The following MYRFL variants were observed in gnomAD, a reference collection of about 807,000 sequenced individuals.
MYRFL encodes myelin regulatory factor-like protein.
MYRFL carries 88 observed loss-of-function variants against 109.4 expected under a neutral mutation model. The observed-to-expected ratio is 0.80, with a 90% confidence interval of 0.68 to 0.96. The LOEUF (loss-of-function observed/expected upper bound fraction) is 0.96. MYRFL is among the 40% of genes least tolerant of loss of function. The pLI, the probability that MYRFL is intolerant of heterozygous loss-of-function variation, is 0.00. For synonymous variants in MYRFL, 324 were observed against 320.9 expected (o/e 1.01, Z -0.10); for missense variants, 957 against 954.9 (o/e 1.00, Z -0.03).
At chr12:69,930,588 G>A (rs1465491586) in intron 15 of MYRFL, among the ~76,000 whole-genome samples, 3 of 152,086 alleles carry the variant, frequency 2.0e-5, no homozygotes, top group Non-Finnish European at 4.4e-5. Context: ...GGAGGCCAGA[G>A]TGGGTGGATC....
intron 2 of MYRFL, among the ~76,000 whole-genome samples, chr12:69,866,044 A>G (rs1233138834): frequency 6.6e-6 from 1 of 152,168 alleles, no homozygotes; most frequent in Non-Finnish European, 1.5e-5. Flanking sequence ...AACTCTTCAT[A>G]GGTCAATACG....
chr12:69,855,618 T>C (rs1239397211), intron 2 of MYRFL, among the ~76,000 whole-genome samples: 3 of 152,214 alleles, frequency 2.0e-5, no homozygotes, highest in Non-Finnish European at 2.9e-5. Context: ...AGGTTATCTA[T>C]TGATAGTAAT....
At chr12:69,926,932 G>GTTTTTTTT (rs1336716063) in intron 14 of MYRFL, among the ~76,000 whole-genome samples, 198 bp downstream of exon 14, 785 of 76,848 alleles carry the variant, frequency 0.01, 290 homozygotes, top group Middle Eastern at 0.019. Flanking sequence ...TTCTGTTGCT[G>GTTTTTTTT]GTTTTTTTTT....
chr12:69,889,961 A>G lies in MYRFL; in HGVS notation c.708-1010A>G, dbSNP rs186001186. Among the ~76,000 whole-genome samples the G allele has an allele frequency of 1.0e-3, 152 of 152,328 alleles. 1 individual carries two copies. Among genetic ancestry groups the G allele is most frequent in the African/African-American group, 3.6e-3 (148 of 41,584 alleles). On this transcript the variant is annotated intron_variant, in intron 6 of 24. Coordinates refer to ENST00000552032, the MANE Select transcript of MYRFL (RefSeq NM_182530.3). ...CATTGCTATTAGAAATAGCAATGAT[A>G]AAACCAATAAAGCAAAAATTTGATT...
At chr12:69,892,849 T>C (rs965612909) in intron 7 of MYRFL, among the ~76,000 whole-genome samples, 2 of 152,182 alleles carry the variant, frequency 1.3e-5, no homozygotes, top group Non-Finnish European at 2.9e-5. Flanking sequence ...TGGTAGCCTA[T>C]TTTTTCTCTT....
chr12:69,834,652 A>T (rs929157574), intron 1 of MYRFL, among the ~76,000 whole-genome samples: 2 of 152,208 alleles, frequency 1.3e-5, no homozygotes, highest in African/African-American at 2.4e-5. Flanking sequence ...TTATTGTGAA[A>T]CAAGAACAAG....
intron 2 of MYRFL, among the ~76,000 whole-genome samples, chr12:69,877,980 C>A (rs536484489): frequency 6.6e-6 from 1 of 152,132 alleles, no homozygotes; most frequent in Non-Finnish European, 1.5e-5. Flanking sequence ...CCATGGCTCA[C>A]GCCTGTAATC....
At chr12:69,945,955 C>T (rs1413826094) in intron 19 of MYRFL, among the ~76,000 whole-genome samples, 1 of 116,120 alleles carries the variant, frequency 8.6e-6, no homozygotes, top group African/African-American at 3.2e-5. Context: ...CCACTGCCCT[C>T]CAGCCTGGGC....
chr12:69,863,331 G>T lies in MYRFL; in HGVS notation c.137+7961G>T, dbSNP rs558990041. Among the ~76,000 whole-genome samples, 10 of 152,254 alleles carry T rather than the reference G, an allele frequency of 6.6e-5. No individual in the cohort carries two copies. The East Asian group carries it at 1.5e-3, about 23-fold the overall frequency. ...AATAGTTTCAGAAGGAATGGTACCGGTTCCTCCTTGTACCTCTGGTAGAAT... is the reference window on the plus strand; with the variant it reads ...AATAGTTTCAGAAGGAATGGTACCGTTTCCTCCTTGTACCTCTGGTAGAAT... On this transcript the variant is annotated intron_variant, in intron 2 of 24. Transcript: ENST00000552032.
chr12:69,948,564 A>T (rs1175741987), intron 19 of MYRFL, among the ~76,000 whole-genome samples: 1 of 152,178 alleles, frequency 6.6e-6, no homozygotes, highest in Non-Finnish European at 1.5e-5. Context: ...TTTATGCCTC[A>T]TTTGCGTTGT....
chr12:69,952,178 A>G lies in MYRFL; in HGVS notation c.2287+3A>G. 1 of 1,535,912 alleles carries G rather than the reference A, an allele frequency of 6.5e-7. No homozygotes were observed. The highest frequency in any genetic ancestry group is 2.4e-5 in the East Asian group (1 of 40,936). On this transcript the variant is annotated splice_donor_region_variant and intron_variant, in intron 20 of 24. Coordinates refer to ENST00000552032, the MANE Select transcript of MYRFL (RefSeq NM_182530.3). Reference sequence around the variant, plus strand: ...CGGCCCTGACTGGGAGAGTGACTGTAAGTTGACATTTAAGTGACACTATTC... The same window carrying G: ...CGGCCCTGACTGGGAGAGTGACTGTGAGTTGACATTTAAGTGACACTATTC...
chr12:69,862,701 A>G (rs1482128508), intron 2 of MYRFL, among the ~76,000 whole-genome samples: 5 of 152,060 alleles, frequency 3.3e-5, no homozygotes, highest in African/African-American at 9.7e-5. Flanking sequence ...GCAAACAGGG[A>G]CAATCTGACT....
At chr12:69,827,523 C>T (rs748034284) in intron 1 of MYRFL, among the ~76,000 whole-genome samples, 13 of 151,996 alleles carry the variant, frequency 8.6e-5, no homozygotes, top group Middle Eastern at 3.4e-3. Flanking sequence ...CTCTAGAGAT[C>T]GCAACATCCT....
intron 19 of MYRFL, 131 bp from the exon 20 acceptor site, chr12:69,951,982 A>T (rs1232612643): frequency 1.4e-6 from 1 of 693,174 alleles, no homozygotes; most frequent in African/African-American, 1.8e-5. Context: ...TAGAGATTAG[A>T]TGAGTTGAAG....
Position 69,874,942 on chromosome 12 carries a change from T to G in MYRFL, c.138-4086T>G, listed in dbSNP as rs999487278. 9.2e-4 allele frequency among the ~76,000 whole-genome samples: 139 copies of G among 151,312 alleles called. 3 individuals are homozygous for G. The highest frequency in any genetic ancestry group is 2.0e-4 in the East Asian group (1 of 5,116). On this transcript the variant is annotated intron_variant, in intron 2 of 24. Transcript: ENST00000552032. ...GATGTATTTATTTTGCTGAGCTTCT[T>G]AAAGATATAAATGTATGTATCTTTA...
chr12:69,937,217 G>A (rs1261376061), intron 19 of MYRFL, among the ~76,000 whole-genome samples: 2 of 152,008 alleles, frequency 1.3e-5, no homozygotes, highest in Admixed American at 6.6e-5. Flanking sequence ...GGCTGCAAGT[G>A]TAATCATATC....
At chr12:69,855,405 T>G (rs995813537) in intron 2 of MYRFL, 35 bp downstream of exon 2, 1 of 699,722 alleles carries the variant, frequency 1.4e-6, no homozygotes, top group Non-Finnish European at 2.6e-6. Flanking sequence ...TAGTTGATGT[T>G]TAAAATATTA....
intron 16 of MYRFL, 74 bp downstream of exon 16, chr12:69,932,672 C>T (rs1955305535): frequency 9.2e-7 from 1 of 1,089,544 alleles, no homozygotes; most frequent in African/African-American, 1.6e-5. Flanking sequence ...CACATATGAA[C>T]TGGGGACTGG....
intron 1 of MYRFL, among the ~76,000 whole-genome samples, chr12:69,836,224 C>T (rs908079697): frequency 5.9e-5 from 9 of 152,174 alleles, no homozygotes; most frequent in African/African-American, 1.7e-4. Flanking sequence ...GACGTCCAGC[C>T]GCCTGTGTGT....
Sources: gnomAD v4.1 joint callset for allele counts (sites outside exome capture counted in the v4.1 genomes callset) on GRCh38, gnomAD v4.1.1 for gene constraint, MANE v1.5 for transcripts, NCBI Gene and HGNC (gene_info 2026-07-23, HGNC 2026-07-21) for gene names.